DNAH9: variants seen among roughly 807,000 people sequenced by gnomAD.
DNAH9 encodes the protein DNAH9 variant protein.
A neutral mutation model predicts 471.6 loss-of-function variants in DNAH9; 345 were observed. The observed-to-expected ratio is 0.73, with a 90% CI of 0.67 to 0.80. The LOEUF is 0.80. DNAH9 is among the 30% of genes least tolerant of loss of function. The pLI is 0.00. For missense variants in DNAH9, 5,407 were observed against 5,609.2 expected (o/e 0.96, Z 1.15); for synonymous variants, 2,093 against 2,123.6 (o/e 0.99, Z 0.40).
chr17:11,757,822 A>G (rs1287360703), intron 35 of DNAH9, 130 bp downstream of exon 35: 34 of 932,800 alleles, frequency 3.6e-5, no homozygotes, highest in Non-Finnish European at 5.2e-5. Flanking sequence ...TCCTCCAGGC[A>G]TGGCAGATGG....
At chr17:11,660,319 C>CTTTTTTTTTTTTTTTTTTTT in intron 14 of DNAH9, among the ~76,000 whole-genome samples, 1 of 97,502 alleles carries the variant, frequency 1.0e-5, no homozygotes, top group South Asian at 3.6e-4. Context: ...TTAAATGTTT[C>CTTTTTTTTTTTTTTTTTTTT]TTTTTTTTTT....
At chr17:11,894,008 A>G (rs1973144938) in intron 58 of DNAH9, among the ~76,000 whole-genome samples, 1 of 152,244 alleles carries the variant, frequency 6.6e-6, no homozygotes, top group Non-Finnish European at 1.5e-5. Context: ...TAGCTGCCGT[A>G]TATCCATACG....
chr17:11,622,101 G>A (rs982095148), intron 6 of DNAH9, among the ~76,000 whole-genome samples: 70 of 131,624 alleles, frequency 5.3e-4, no homozygotes, highest in African/African-American at 1.7e-3. Flanking sequence ...AAAAAAAAAA[G>A]TGAGATTGAT....
chr17:11,903,883 C>T (rs1482206914), intron 60 of DNAH9, among the ~76,000 whole-genome samples: 1 of 150,052 alleles, frequency 6.7e-6, no homozygotes, highest in Non-Finnish European at 1.5e-5. Flanking sequence ...CGCACTCTAG[C>T]CTGGGCAACA....
At chr17:11,614,899 T>C (rs2072711271) in intron 4 of DNAH9, among the ~76,000 whole-genome samples, 1 of 152,186 alleles carries the variant, frequency 6.6e-6, no homozygotes, top group African/African-American at 2.4e-5. Context: ...CACCATCACA[T>C]TGGCCATTAA....
intron 26 of DNAH9, among the ~76,000 whole-genome samples, chr17:11,709,779 CCCTT>C (rs2074799658): frequency 6.6e-6 from 1 of 152,128 alleles, no homozygotes; most frequent in African/African-American, 2.4e-5. Flanking sequence ...TGCTTTGCTC[CCCTT>C]CCTTCACCTT....
At chr17:11,622,038 A>G (rs111418600) in intron 6 of DNAH9, among the ~76,000 whole-genome samples, 2,272 of 151,518 alleles carry the variant, frequency 0.015, 64 homozygotes, top group African/African-American at 0.052. Flanking sequence ...GTGAGCTGAG[A>G]TCGCGCCACT....
intron 67 of DNAH9, among the ~76,000 whole-genome samples, chr17:11,956,114 G>T (rs186161048): frequency 6.6e-6 from 1 of 152,078 alleles, no homozygotes; most frequent in East Asian, 1.9e-4. Context: ...AAAAAACTAC[G>T]TATCCAGCTA....
At chr17:11,808,014 A>C in intron 44 of DNAH9, 120 bp downstream of exon 44, 2 of 1,186,230 alleles carry the variant, frequency 1.7e-6, no homozygotes, top group South Asian at 1.6e-5. Context: ...ATGTCTGTCC[A>C]TTTCTGTCTT....
intron 1 of DNAH9, among the ~76,000 whole-genome samples, chr17:11,599,807 T>C (rs1196438657): frequency 1.3e-5 from 2 of 152,240 alleles, no homozygotes; most frequent in East Asian, 3.9e-4. Context: ...ACTGGCTGTA[T>C]GATGGTTCAG....
chr17:11,886,698 A>G (rs1171136046), intron 56 of DNAH9, 127 bp from the exon 57 acceptor site: 18 of 1,205,310 alleles, frequency 1.5e-5, no homozygotes, highest in Non-Finnish European at 2.1e-5. Context: ...CTTTCTACCC[A>G]TCATCCCCAT....
At chr17:11,750,187 C>T (rs1290497103) in intron 32 of DNAH9, among the ~76,000 whole-genome samples, 1 of 151,884 alleles carries the variant, frequency 6.6e-6, no homozygotes, top group Non-Finnish European at 1.5e-5. Flanking sequence ...AATCCCAGTG[C>T]TTTGGGAGGC....
chr17:11,671,990 G>C (rs187063224), intron 17 of DNAH9, among the ~76,000 whole-genome samples: 88 of 152,292 alleles, frequency 5.8e-4, no homozygotes, highest in Middle Eastern at 6.8e-3. Flanking sequence ...CTAGAAACTG[G>C]CTATTGTGTT....
chr17:11,890,205 A>G (rs1337631929), intron 57 of DNAH9, among the ~76,000 whole-genome samples: 1 of 151,812 alleles, frequency 6.6e-6, no homozygotes, highest in Non-Finnish European at 1.5e-5. Flanking sequence ...AAAGCTCTCC[A>G]CTCTGTCTCT....
rs1966954589 is a variant in DNAH9, at chr17:11,747,783, C to A, written c.6610+17C>A. On this transcript the variant is annotated intron_variant, in intron 32 of 68. Transcript: ENST00000262442. ...GGAAGGATGGTAAGAGTGGGATTCT[C>A]CCAGGAGAAAGTCTCTGCTAGCCTC... The A allele has an allele frequency of 6.2e-7, 1 of 1,606,742 alleles. No homozygotes were observed. The highest frequency in any genetic ancestry group is 8.5e-7 in the Non-Finnish European group (1 of 1,173,624).
At chr17:11,698,182 T>TATTAATAACATATTAATTATA (rs369729599) in intron 22 of DNAH9, among the ~76,000 whole-genome samples, 1 of 120,350 alleles carries the variant, frequency 8.3e-6, no homozygotes, top group Non-Finnish European at 1.6e-5. Flanking sequence ...TAATATATTA[T>TATTAATAACATATTAATTATA]TATATTAATA....
intron 36 of DNAH9, among the ~76,000 whole-genome samples, chr17:11,765,255 G>A (rs533904620): frequency 2.6e-5 from 4 of 152,236 alleles, no homozygotes; most frequent in East Asian, 3.9e-4. Context: ...TCTGTAGCAC[G>A]TATCTGGTGT....
chr17:11,713,245 A>G (rs1202780516), intron 26 of DNAH9, among the ~76,000 whole-genome samples: 2 of 152,126 alleles, frequency 1.3e-5, no homozygotes, highest in African/African-American at 4.8e-5. Context: ...TTTCTTTTTT[A>G]TGGCTGCATA....
intron 59 of DNAH9, among the ~76,000 whole-genome samples, chr17:11,901,729 A>C (rs1015115893): frequency 2.0e-5 from 3 of 152,160 alleles, no homozygotes; most frequent in Non-Finnish European, 4.4e-5. Flanking sequence ...CGCTAACACT[A>C]ATGATAGTTG....
Sources: gnomAD v4.1 joint callset for allele counts (sites outside exome capture counted in the v4.1 genomes callset) on GRCh38, gnomAD v4.1.1 for gene constraint, MANE v1.5 for transcripts, NCBI Gene and HGNC (gene_info 2026-07-23, HGNC 2026-07-21) for gene names.